Variants in CXADR observed in about 807,000 individuals in gnomAD.
CXADR encodes the protein CXADR cell adhesion molecule, also known as coxsackievirus and adenovirus receptor.
CXADR carries 20 observed loss-of-function variants against 40.3 expected under a neutral mutation model. The observed-to-expected ratio is 0.50, with a 90% CI of 0.35 to 0.72. The LOEUF (loss-of-function observed/expected upper bound fraction) is 0.72. Ranked by LOEUF, CXADR falls within the 30% of genes least tolerant of loss-of-function variation. The pLI is 0.01. For synonymous variants in CXADR, 150 were observed against 161.3 expected, an observed-to-expected ratio of 0.93 and a Z score of 0.53; for missense variants, 332 against 449.1, an observed-to-expected ratio of 0.74 and a Z score of 2.36.
chr21:17,555,062 C>T (rs936293268), intron 3 of CXADR, among the ~76,000 whole-genome samples: 1 of 152,052 alleles, frequency 6.6e-6, no homozygotes, highest in Non-Finnish European at 1.5e-5. Context: ...GGATGCAGCT[C>T]AGTAAAGAAG....
At position 17,567,603 on chromosome 21, in the gene CXADR, A is replaced by G. The variant is rs1186722025; in HGVS notation, c.*1911A>G. 10 of 984,720 alleles carry G rather than the reference A, an allele frequency of 1.0e-5. No individual in the cohort carries two copies. Among genetic ancestry groups the G allele is most frequent in the Non-Finnish European group, 1.2e-5 (10 of 829,290 alleles). The allele number at this position is 984,720 out of a possible 1,614,324, so 61.0% of individuals were successfully genotyped here. On this transcript the variant is annotated 3_prime_UTR_variant, in exon 7 of 7. Transcript: ENST00000284878. Reference sequence around the variant, plus strand: ...TAACTTAAGCAATTGTGTTATTCATAAAGGTTTAGAAATTTCAATATTCCC... The same window carrying G: ...TAACTTAAGCAATTGTGTTATTCATGAAGGTTTAGAAATTTCAATATTCCC...
chr21:17,538,464 G>A (rs2123207424), intron 1 of CXADR, among the ~76,000 whole-genome samples: 1 of 152,256 alleles, frequency 6.6e-6, no homozygotes, highest in South Asian at 2.1e-4. Flanking sequence ...CTGAATCAAT[G>A]AGGAGCGACC....
chr21:17,513,515 G>T (rs2071357748), intron 1 of CXADR, among the ~76,000 whole-genome samples: 1 of 152,186 alleles, frequency 6.6e-6, no homozygotes, highest in Non-Finnish European at 1.5e-5. Flanking sequence ...CTTTGCTCTC[G>T]CCGTCTCCCT....
At chr21:17,555,521 C>A (rs970643344) in intron 3 of CXADR, among the ~76,000 whole-genome samples, 6 of 152,158 alleles carry the variant, frequency 3.9e-5, no homozygotes, top group African/African-American at 1.2e-4. Flanking sequence ...AACACTGATA[C>A]AATACTATTA....
chr21:17,515,811 CAAAT>C (rs895067520), intron 1 of CXADR, among the ~76,000 whole-genome samples: 2 of 151,746 alleles, frequency 1.3e-5, no homozygotes, highest in Admixed American at 6.6e-5. Context: ...GTCTCTGAAA[CAAAT>C]AAACAAAAAA....
At chr21:17,634,264 A>G in the CXADR span, among the ~76,000 whole-genome samples, 3 of 152,204 alleles carry the variant, frequency 2.0e-5, no homozygotes, top group Non-Finnish European at 4.4e-5. Context: ...GGGATCCTTC[A>G]TCTGGGGCCT....
At chr21:17,520,722 T>G (rs1053768770) in intron 1 of CXADR, among the ~76,000 whole-genome samples, 3 of 152,056 alleles carry the variant, frequency 2.0e-5, no homozygotes, top group African/African-American at 7.2e-5. Context: ...CAGAAGAGAG[T>G]TGGGCTTCTG....
Position 17,559,145 on chromosome 21 carries a change from T to C in CXADR, c.571+14T>C, listed in dbSNP as rs2061073695. On this transcript the variant is annotated intron_variant, in intron 4 of 6. Transcript: ENST00000284878. ...CATGGTTAGCAGGTACTGCTGATAA[T>C]AGTATTTGTACCACATGCCATTGAT... The C allele has an allele frequency of 6.2e-7, 1 of 1,613,492 alleles. No homozygotes were observed.
chr21:17,556,126 G>A (rs1241875390), intron 3 of CXADR, among the ~76,000 whole-genome samples: 1 of 152,230 alleles, frequency 6.6e-6, no homozygotes, highest in African/African-American at 2.4e-5. Context: ...CAGATGTTCT[G>A]AGGACAGCGG....
chr21:17,582,224 C>T (rs1392058598), intron 7 of CXADR, among the ~76,000 whole-genome samples: 1 of 152,180 alleles, frequency 6.6e-6, no homozygotes, highest in Non-Finnish European at 1.5e-5. Context: ...GTAGGCCAGG[C>T]TGGTCTCGAA....
At chr21:17,606,525 G>A in the CXADR span, among the ~76,000 whole-genome samples, 1 of 152,188 alleles carries the variant, frequency 6.6e-6, no homozygotes, top group South Asian at 2.1e-4. Flanking sequence ...GGGACCAAAA[G>A]CAGTTAAGGA....
downstream of CXADR, among the ~76,000 whole-genome samples, chr21:17,596,442 C>T (rs142511391): frequency 7.4e-3 from 1,126 of 152,086 alleles, 17 homozygotes; most frequent in African/African-American, 0.026. Context: ...GGTACACAAT[C>T]CATCTCAAAT....
the CXADR span, among the ~76,000 whole-genome samples, chr21:17,607,355 G>A: frequency 6.6e-6 from 1 of 151,628 alleles, no homozygotes; most frequent in Non-Finnish European, 1.5e-5. Context: ...CTAACTTAAC[G>A]AAAGCTGTTC....
chr21:17,521,424 G>A (rs186350658), intron 1 of CXADR, among the ~76,000 whole-genome samples: 5 of 152,290 alleles, frequency 3.3e-5, no homozygotes, highest in African/African-American at 1.2e-4. Context: ...CTGGGTTCAA[G>A]CGATTCTCCT....
At position 17,589,750 on chromosome 21, in the gene CXADR, T is replaced by TA. The variant is rs139107746; in HGVS notation, c.1018-3400dup. ...TTGCAGTGAACACTTATTACGTAGG[T>TA]AATGGTCCTCGTTTGAGTACTTCTG... On this transcript the variant is annotated intron_variant, in intron 7 of 7. Coordinates refer to the CXADR transcript ENST00000400169. Among the ~76,000 whole-genome samples the TA allele has an allele frequency of 4.4e-3, 676 of 152,190 alleles. 22 individuals carry two copies. The East Asian group carries it at 0.08, about 18-fold the overall frequency.
chr21:17,593,316 C>T, exon 8 of CXADR: 2 of 883,084 alleles, frequency 2.3e-6, no homozygotes, highest in Non-Finnish European at 3.0e-6. Flanking sequence ...TGTAAGAACA[C>T]ATCTACTTTA....
intron 1 of CXADR, among the ~76,000 whole-genome samples, chr21:17,527,949 C>T (rs1360042786): frequency 1.3e-5 from 2 of 151,750 alleles, no homozygotes; most frequent in Non-Finnish European, 1.5e-5. Context: ...TTAGTATTTA[C>T]GTTTTACAAT....
intron 1 of CXADR, among the ~76,000 whole-genome samples, chr21:17,529,842 A>G (rs2123159519): frequency 6.6e-6 from 1 of 152,268 alleles, no homozygotes; most frequent in South Asian, 2.1e-4. Flanking sequence ...AAGTGGCCAC[A>G]CCTGCATACC....
At chr21:17,541,609 A>G (rs1222878117) in intron 1 of CXADR, among the ~76,000 whole-genome samples, 1 of 105,806 alleles carries the variant, frequency 9.5e-6, no homozygotes, top group Non-Finnish European at 1.9e-5. Context: ...TTTCCCCTGC[A>G]TCTGTTGATT....
Sources: gnomAD v4.1 joint callset for allele counts (sites outside exome capture counted in the v4.1 genomes callset) on GRCh38, gnomAD v4.1.1 for gene constraint, MANE v1.5 for transcripts, NCBI Gene and HGNC (gene_info 2026-07-23, HGNC 2026-07-21) for gene names.